Variants in AP1B1 observed in about 807,000 individuals in gnomAD.
AP1B1 encodes the protein AP-1 complex subunit beta-1.
Under a neutral mutation model 104.3 loss-of-function variants are expected in AP1B1, and 36 were observed. The ratio of observed to expected loss-of-function variants is 0.35; its 90% CI spans 0.26 to 0.46. The LOEUF is 0.46. Among genes scored for constraint, AP1B1 ranks in the 20% least tolerant of loss-of-function variants. The pLI, the probability that AP1B1 is intolerant of heterozygous loss-of-function variation, is 1.00. For synonymous variants in AP1B1, 504 were observed against 517.5 expected (o/e 0.97, Z 0.35); for missense variants, 901 against 1,247.9 (o/e 0.72, Z 4.19).
At chr22:29,349,168 G>A (rs1466920250) in intron 11 of AP1B1, 50 bp downstream of exon 11, 1 of 1,598,408 alleles carries the variant, frequency 6.3e-7, no homozygotes, top group African/African-American at 1.3e-5. Flanking sequence ...GGCCACAGTG[G>A]GGCTGAGCTG....
chr22:29,339,428 C>T (rs2147951283), intron 15 of AP1B1, among the ~76,000 whole-genome samples: 2 of 152,218 alleles, frequency 1.3e-5, no homozygotes, highest in African/African-American at 4.8e-5. Flanking sequence ...AGACACACGG[C>T]TGGGTGGAGA....
chr22:29,387,732 T>C (rs965571894), intron 1 of AP1B1, among the ~76,000 whole-genome samples: 1 of 152,244 alleles, frequency 6.6e-6, no homozygotes, highest in African/African-American at 2.4e-5. Flanking sequence ...TGACCTTACA[T>C]GTGGGATTTA....
chr22:29,337,716 A>C (rs80010870), intron 16 of AP1B1, among the ~76,000 whole-genome samples: 5,153 of 152,160 alleles, frequency 0.034, 272 homozygotes, highest in African/African-American at 0.12. Context: ...GCATGTCCTC[A>C]CATCCCAAAC....
At chr22:29,344,323 G>T (rs1480309815) in intron 11 of AP1B1, among the ~76,000 whole-genome samples, 1 of 152,044 alleles carries the variant, frequency 6.6e-6, no homozygotes, top group South Asian at 2.1e-4. Context: ...CCAGAGGGAG[G>T]TCTGGCCAGG....
At chr22:29,360,072 A>T in intron 3 of AP1B1, 113 bp from the exon 4 acceptor site, 1 of 1,185,894 alleles carries the variant, frequency 8.4e-7, no homozygotes. Flanking sequence ...AAGGAGAGAC[A>T]CACTGGACTT....
intron 8 of AP1B1, 106 bp downstream of exon 8, chr22:29,351,599 T>TA: frequency 9.0e-6 from 13 of 1,444,510 alleles, no homozygotes; most frequent in Non-Finnish European, 1.2e-5. Context: ...CTTCATGAGA[T>TA]AAACCGTTAA....
At chr22:29,380,832 T>G (rs952063772) in intron 1 of AP1B1, among the ~76,000 whole-genome samples, 3 of 152,096 alleles carry the variant, frequency 2.0e-5, no homozygotes, top group Non-Finnish European at 4.4e-5. Flanking sequence ...ACAGTCCAAA[T>G]CAGACAGTAG....
chr22:29,340,867 C>A lies in AP1B1; in HGVS notation c.1797-10G>T. 4 of 1,585,082 alleles carry A rather than the reference C, an allele frequency of 2.5e-6. No individual in the cohort carries two copies. The highest frequency in any genetic ancestry group is 3.4e-6 in the Non-Finnish European group (4 of 1,167,740). On this transcript the variant is annotated splice_polypyrimidine_tract_variant and intron_variant, in intron 13 of 22. Coordinates refer to ENST00000357586, the MANE Select transcript of AP1B1 (RefSeq NM_001127.4). ...CTCTGCGCTCTCACTCCTGCCGGGA[C>A]ACAGAAGTAGGGTGGAGGCATCAGG... is the stretch of plus-strand genomic sequence containing the variant.
At chr22:29,373,226 C>T (rs1481390478) in intron 1 of AP1B1, among the ~76,000 whole-genome samples, 3 of 152,022 alleles carry the variant, frequency 2.0e-5, no homozygotes, top group East Asian at 1.9e-4. Context: ...GAGCCAACAT[C>T]GCACTACTGC....
At position 29,350,136 on chromosome 22, in the gene AP1B1, G is replaced by A. The variant is rs1318212422; in HGVS notation, c.1170C>T (p.Arg390=). 6.2e-7 allele frequency: 1 copy of A among 1,614,096 alleles called. No individual in the cohort carries two copies. Among genetic ancestry groups the A allele is most frequent in the Admixed American group, 1.7e-5 (1 of 60,024 alleles). ...TGAGGTCGAGCAGCGTGCTCACACA[G>A]CGCTCCGCAGATTGCTGCATGGGAA... ...CAIKVEQSAE[R]CVSTLLDLIQ... Residue 390 remains arginine (R), a synonymous_variant, in exon 10 of 23, where the codon CGC becomes CGT. Transcript: ENST00000357586.
At chr22:29,387,712 A>G (rs1484064532) in intron 1 of AP1B1, among the ~76,000 whole-genome samples, 1 of 152,190 alleles carries the variant, frequency 6.6e-6, no homozygotes, top group African/African-American at 2.4e-5. Context: ...CCTTGCCTCT[A>G]CTACCCGAAT....
rs1419690726 is a variant in AP1B1, at chr22:29,356,658, T to A, written c.526-42A>T. 3 of 1,582,842 alleles carry A rather than the reference T, an allele frequency of 1.9e-6. No homozygotes were observed. In the African/African-American group the frequency reaches 4.0e-5, roughly 21 times the overall value. On this transcript the variant is annotated intron_variant, in intron 5 of 22. Transcript: ENST00000357586. Reference sequence around the variant, plus strand: ...GAGGGGCAGAGGCTGGGGGTGCTGCTCACAGGCCAGGGGGCAGTGCATTAA... The same window carrying A: ...GAGGGGCAGAGGCTGGGGGTGCTGCACACAGGCCAGGGGGCAGTGCATTAA...
rs751132759 is a variant in AP1B1, at chr22:29,331,409, C to T, written c.2524+40G>A. On this transcript the variant is annotated intron_variant, in intron 19 of 22. Coordinates refer to ENST00000357586, the MANE Select transcript of AP1B1 (RefSeq NM_001127.4). ...CCTTGGCCAGGTTCCCAAGCCACAG[C>T]CCCATTTCAGGCACCCCAGCGGGCT... 3 of 1,601,078 alleles carry T rather than the reference C, an allele frequency of 1.9e-6. No homozygotes were observed. In the African/African-American group the frequency reaches 4.0e-5, roughly 21 times the overall value.
intron 21 of AP1B1, 25 bp downstream of exon 21, chr22:29,330,353 G>T: frequency 6.2e-7 from 1 of 1,611,750 alleles, no homozygotes. Context: ...CTCCAAGGCT[G>T]CAGGGCGGGT....
At chr22:29,359,623 G>A in intron 4 of AP1B1, 1 of 558,772 alleles carries the variant, frequency 1.8e-6, no homozygotes, top group Non-Finnish European at 3.0e-6. Flanking sequence ...CACACAGGAT[G>A]AGTTACGCAG....
chr22:29,359,554 A>G, intron 4 of AP1B1: 1 of 363,608 alleles, frequency 2.8e-6, no homozygotes, highest in Non-Finnish European at 4.9e-6. Context: ...GCCCTAGCAA[A>G]GCATGCAGGG....
At chr22:29,349,495 G>A in intron 10 of AP1B1, 112 bp from the exon 11 acceptor site, 1 of 1,113,802 alleles carries the variant, frequency 9.0e-7, no homozygotes, top group South Asian at 1.5e-5. Flanking sequence ...ACCCCAAGGT[G>A]GCAGGTAAAG....
chr22:29,361,205 T>C (rs1425145198), intron 3 of AP1B1, among the ~76,000 whole-genome samples: 5 of 152,236 alleles, frequency 3.3e-5, no homozygotes, highest in Non-Finnish European at 7.3e-5. Flanking sequence ...CAGGTACCTG[T>C]TTCCTTTCTG....
chr22:29,354,818 A>T lies in AP1B1; in HGVS notation c.770T>A (p.Leu257His). 6.2e-7 allele frequency: 1 copy of T among 1,614,080 alleles called. No homozygotes were observed. The change falls in exon 7 of 23, where the codon CTC (leucine) becomes CAC (histidine). Residue 257 changes from leucine (L) to histidine (H), a missense_variant. Leu to His is a moderately conservative substitution (Grantham distance 99, BLOSUM62 -3). This residue lies in a region of AP1B1 where 471 missense variants were observed against 696.7 expected (regional missense o/e 0.68). Coordinates refer to ENST00000357586, the MANE Select transcript of AP1B1 (RefSeq NM_001127.4). The stretch of plus-strand genomic sequence containing the variant: ...CTTCATCAGCACCTTCACAGCAGAG[A>T]GCACCACAGCGGAGTTGGCATGGGA... ...RLSHANSAVV[L>H]SAVKVLMKFM...
Sources: gnomAD v4.1 joint callset for allele counts (sites outside exome capture counted in the v4.1 genomes callset) on GRCh38, gnomAD v4.1.1 for gene constraint, gnomAD v4.1.1 regional missense constraint, MANE v1.5 for transcripts, NCBI Gene and HGNC (gene_info 2026-07-23, HGNC 2026-07-21) for gene names.